ARHGEF18: variants seen among roughly 807,000 people sequenced by gnomAD.
ARHGEF18 encodes the protein rho guanine nucleotide exchange factor 18.
Under a neutral mutation model 155.7 loss-of-function variants are expected in ARHGEF18, and 93 were observed. The ratio of observed to expected loss-of-function variants is 0.60; its 90% CI spans 0.50 to 0.71. The LOEUF is 0.71. ARHGEF18 is among the 30% of genes least tolerant of loss of function. ARHGEF18 has a pLI of 0.00. For missense variants in ARHGEF18, 1,593 were observed against 1,816.1 expected (o/e 0.88, Z 2.23); for synonymous variants, 742 against 753.1 (o/e 0.99, Z 0.24).
chr19:7,457,399 C>T (rs187221691), intron 18 of ARHGEF18, among the ~76,000 whole-genome samples: 117 of 129,362 alleles, frequency 9.0e-4, no homozygotes, highest in Admixed American at 4.6e-3. Flanking sequence ...CTCACTCTGT[C>T]GCCCAGGCTG....
At chr19:7,362,017 G>GGAGA (rs1568264366) in intron 1 of ARHGEF18, among the ~76,000 whole-genome samples, 6 of 51,144 alleles carry the variant, frequency 1.2e-4, no homozygotes, top group East Asian at 1.1e-3. Context: ...GAAGAAGAAG[G>GGAGA]AGAAGGAGAA....
intron 17 of ARHGEF18, 125 bp downstream of exon 17, chr19:7,453,840 A>C: frequency 7.8e-7 from 1 of 1,283,882 alleles, no homozygotes; most frequent in African/African-American, 1.5e-5. Flanking sequence ...CATCTTGGAG[A>C]GGTGGTCACC....
chr19:7,352,484 G>T (rs991592836), intron 1 of ARHGEF18, among the ~76,000 whole-genome samples: 3 of 149,538 alleles, frequency 2.0e-5, no homozygotes, highest in Non-Finnish European at 4.4e-5. Flanking sequence ...CAACTTGTTT[G>T]TGAGGGAAAA....
At chr19:7,474,823 C>A (rs1305196519), downstream of ARHGEF18, among the ~76,000 whole-genome samples, 1 of 146,990 alleles carries the variant, frequency 6.8e-6, no homozygotes, top group Non-Finnish European at 1.5e-5. Context: ...CCAACCCCAG[C>A]CGTCCTCTGA....
intron 10 of ARHGEF18, among the ~76,000 whole-genome samples, chr19:7,428,324 G>A (rs1053948521): frequency 1.3e-5 from 2 of 152,090 alleles, no homozygotes; most frequent in Admixed American, 6.6e-5. Flanking sequence ...CGGGCCAGGC[G>A]CCCACTTGCT....
intron 3 of ARHGEF18, among the ~76,000 whole-genome samples, chr19:7,373,502 G>T (rs189932105): frequency 2.0e-5 from 3 of 147,918 alleles, no homozygotes; most frequent in Non-Finnish European, 4.4e-5. Context: ...TTGAGATGGA[G>T]TCTCACTCCA....
At chr19:7,353,242 T>G (rs1000476543) in intron 1 of ARHGEF18, among the ~76,000 whole-genome samples, 2 of 152,096 alleles carry the variant, frequency 1.3e-5, no homozygotes, top group African/African-American at 2.4e-5. Flanking sequence ...AGCTTTTCTA[T>G]TTGTTCTTGG....
intron 10 of ARHGEF18, among the ~76,000 whole-genome samples, chr19:7,404,887 C>T (rs1438468581): frequency 4.6e-5 from 7 of 152,056 alleles, no homozygotes; most frequent in South Asian, 2.1e-4. Context: ...AATGGGCACA[C>T]GTACAATAAT....
chr19:7,358,406 A>C (rs1969413038), intron 1 of ARHGEF18, among the ~76,000 whole-genome samples: 1 of 151,690 alleles, frequency 6.6e-6, no homozygotes, highest in Non-Finnish European at 1.5e-5. Flanking sequence ...CCATTCACCT[A>C]TCCATCCATC....
At chr19:7,398,213 G>C (rs548157534) in intron 10 of ARHGEF18, among the ~76,000 whole-genome samples, 1 of 152,116 alleles carries the variant, frequency 6.6e-6, no homozygotes, top group South Asian at 2.1e-4. Context: ...GGGATTACAG[G>C]TGTGTGCCAC....
chr19:7,455,262 A>G (rs1031976649), intron 17 of ARHGEF18, among the ~76,000 whole-genome samples: 2 of 152,210 alleles, frequency 1.3e-5, no homozygotes, highest in Non-Finnish European at 2.9e-5. Flanking sequence ...TAGCCTTTTA[A>G]GGCATCAGTC....
At chr19:7,414,762 T>C (rs951520668) in intron 10 of ARHGEF18, among the ~76,000 whole-genome samples, 2 of 151,352 alleles carry the variant, frequency 1.3e-5, no homozygotes, top group Non-Finnish European at 2.9e-5. Flanking sequence ...TGAGCTGAGA[T>C]CGCGCCATTG....
At position 7,395,255 on chromosome 19, in the gene ARHGEF18, C is replaced by T; in HGVS notation, c.967+12052C>T. ...GCGGGCGATCGGGCCGAGGTGAGGA[C>T]GGCGGCGGGGCGGTCCCGAGGAAAA... On this transcript the variant is annotated intron_variant, in intron 10 of 28. Transcript: ENST00000668164. This position sits in a 1 kb window ranked among gnomAD's most constrained non-coding sequence, Gnocchi z 5.0. 1.0e-6 allele frequency: 1 copy of T among 986,406 alleles called. No individual in the cohort carries two copies. 61.1% of individuals were successfully genotyped at this position (986,406 alleles called of 1,614,324 possible). A position where few individuals can be genotyped will look rare whatever the true frequency, so the allele number is the denominator to read the frequency against.
At chr19:7,428,433 C>T (rs561513276) in intron 10 of ARHGEF18, among the ~76,000 whole-genome samples, 41 of 152,244 alleles carry the variant, frequency 2.7e-4, no homozygotes, top group African/African-American at 9.6e-4. Flanking sequence ...TCTCACTTCT[C>T]TCAAGCTGGA....
At chr19:7,425,465 C>T (rs1016818533) in intron 10 of ARHGEF18, among the ~76,000 whole-genome samples, 12 of 151,766 alleles carry the variant, frequency 7.9e-5, no homozygotes, top group African/African-American at 1.5e-4. Context: ...GGGCGGATCA[C>T]GAGGTCAGGA....
In ARHGEF18 at chr19:7,462,799, C is replaced by A. The variant is rs963335443; in HGVS notation, c.2635+465C>A. 1.3e-5 allele frequency among the ~76,000 whole-genome samples: 2 copies of A among 151,612 alleles called. No homozygotes were observed. Among genetic ancestry groups the A allele is most frequent in the African/African-American group, 4.8e-5 (2 of 41,264 alleles). ...CCCCTGGGCTGGCCGCTTGAGCAGG[C>A]AGTCAGCGCCCAGTCTGCTCTTTCT... is the stretch of plus-strand genomic sequence containing the variant. On this transcript the variant is annotated intron_variant, in intron 21 of 28. Coordinates refer to ENST00000668164, the MANE Select transcript of ARHGEF18 (RefSeq NM_001367823.1). This position sits in a 1 kb window ranked among gnomAD's most constrained non-coding sequence, Gnocchi z 4.4.
intron 26 of ARHGEF18, 86 bp downstream of exon 26, chr19:7,467,770 C>A: frequency 7.5e-7 from 1 of 1,328,970 alleles, no homozygotes; most frequent in African/African-American, 1.5e-5. Context: ...TGACAGGGTT[C>A]GCGGGTGCAT....
At chr19:7,429,292 T>C (rs1973829288) in intron 10 of ARHGEF18, among the ~76,000 whole-genome samples, 1 of 152,104 alleles carries the variant, frequency 6.6e-6, no homozygotes, top group Non-Finnish European at 1.5e-5. Flanking sequence ...AAGTGACCAG[T>C]GGGCAGCCCC....
At chr19:7,362,417 C>A (rs144695168) in intron 1 of ARHGEF18, among the ~76,000 whole-genome samples, 66 of 152,180 alleles carry the variant, frequency 4.3e-4, no homozygotes, top group African/African-American at 1.5e-3. Flanking sequence ...CATCATTGAT[C>A]AACTGAGGGC....
Sources: gnomAD v4.1 joint callset for allele counts (sites outside exome capture counted in the v4.1 genomes callset) on GRCh38, gnomAD v4.1.1 for gene constraint, Gnocchi (gnomAD v3.1) non-coding constraint, MANE v1.5 for transcripts, NCBI Gene and HGNC (gene_info 2026-07-23, HGNC 2026-07-21) for gene names.